The following SLC1A7 variants were observed in gnomAD, a reference collection of about 807,000 sequenced individuals.
SLC1A7 encodes solute carrier family 1 member 7.
Under a neutral mutation model 47.7 loss-of-function variants are expected in SLC1A7, and 40 were observed. That is an observed-to-expected ratio of 0.84 (90% CI 0.65 to 1.09). The LOEUF (loss-of-function observed/expected upper bound fraction) is 1.09, where lower values mean the gene tolerates loss of function less well. Among genes scored for constraint, SLC1A7 ranks in the 50% least tolerant of loss-of-function variants. The pLI, the probability that SLC1A7 is intolerant of heterozygous loss-of-function variation, is 0.00. For synonymous variants in SLC1A7, 323 were observed against 325.6 expected (o/e 0.99, Z 0.09); for missense variants, 746 against 769.5 (o/e 0.97, Z 0.36).
chr1:53,103,367 C>A lies in SLC1A7; in HGVS notation c.676G>T (p.Val226Phe). The stretch of plus-strand genomic sequence containing the variant: ...ATACCCATGGTGGCAGAGAAGAAGA[C>A]GATGCCCAGCACATTCATGCCATCG... The part of the protein sequence containing the change: ...TSDGMNVLGI[V>F]FFSATMGIML... Residue 226 changes from valine to phenylalanine, a missense_variant, in exon 5 of 11, where the codon GTC becomes TTC. Coordinates refer to ENST00000371494, the MANE Select transcript of SLC1A7 (RefSeq NM_006671.6). The A allele has an allele frequency of 6.2e-7, 1 of 1,605,636 alleles. No homozygotes were observed. The highest frequency in any genetic ancestry group is 1.1e-5 in the South Asian group (1 of 89,276).
chr1:53,129,886 C>T (rs1644924103), intron 2 of SLC1A7, among the ~76,000 whole-genome samples: 3 of 94,798 alleles, frequency 3.2e-5, no homozygotes, highest in African/African-American at 1.2e-4. Flanking sequence ...CTCCTGGGAT[C>T]TCAGAAAAAA....
intron 2 of SLC1A7, among the ~76,000 whole-genome samples, chr1:53,119,087 C>G (rs1338151875): frequency 1.3e-5 from 2 of 152,004 alleles, no homozygotes; most frequent in Non-Finnish European, 2.9e-5. Flanking sequence ...GCTTTTGGGT[C>G]TCAGAGGCCT....
chr1:53,108,047 A>C (rs1443476533), intron 3 of SLC1A7: 1 of 154,154 alleles, frequency 6.5e-6, no homozygotes, highest in African/African-American at 2.4e-5. Flanking sequence ...GGGCACCCTC[A>C]CATGGTCCTG....
intron 2 of SLC1A7, 152 bp from the exon 3 acceptor site, chr1:53,115,125 A>T (rs1026872514): frequency 6.2e-6 from 4 of 649,678 alleles, no homozygotes; most frequent in Non-Finnish European, 8.1e-6. Flanking sequence ...TGCTCCTTCC[A>T]GCCTCTCTTT....
chr1:53,103,552 G>C lies in SLC1A7; in HGVS notation c.491C>G (p.Thr164Ser), dbSNP rs1312999214. 1.1e-5 allele frequency: 18 copies of C among 1,600,866 alleles called. No individual in the cohort carries two copies. The highest frequency in any genetic ancestry group is 1.7e-4 in the Middle Eastern group (1 of 5,936). Reference sequence around the variant, plus strand: ...CACCTTGGGGGACTTGACAACTGGGGTGGTCTTGGTGCGGTACTGGTGGGT... The same window carrying C: ...CACCTTGGGGGACTTGACAACTGGGCTGGTCTTGGTGCGGTACTGGTGGGT... ...ATFKQYRTKTTPVVKSPKVAP... is the reference protein window; with the variant it reads ...ATFKQYRTKTSPVVKSPKVAP... The change falls in exon 5 of 11, where the codon ACC (threonine) becomes AGC (serine). Residue 164 changes from threonine (T) to serine (S), a missense_variant. Coordinates refer to ENST00000371494, the MANE Select transcript of SLC1A7 (RefSeq NM_006671.6).
intron 10 of SLC1A7, among the ~76,000 whole-genome samples, 163 bp downstream of exon 10, chr1:53,088,714 T>C (rs975252994): frequency 5.9e-5 from 9 of 152,178 alleles, no homozygotes; most frequent in African/African-American, 1.9e-4. Flanking sequence ...AAATAGATGT[T>C]AGAGGAATCA....
At chr1:53,103,037 G>T in intron 5 of SLC1A7, 1 of 289,764 alleles carries the variant, frequency 3.5e-6, no homozygotes, top group Non-Finnish European at 6.4e-6. Flanking sequence ...GCCTCCAAGG[G>T]GCTTGCATAG....
intron 7 of SLC1A7, among the ~76,000 whole-genome samples, chr1:53,091,400 G>C (rs1415807544): frequency 6.6e-6 from 1 of 152,220 alleles, no homozygotes; most frequent in African/African-American, 2.4e-5. Flanking sequence ...TGGAAGGCCG[G>C]TTCTACTCGC....
intron 1 of SLC1A7, among the ~76,000 whole-genome samples, chr1:53,135,281 TGAACTAGGCAGGGTTCCTG>T (rs759123344): frequency 6.6e-6 from 1 of 152,174 alleles, no homozygotes; most frequent in Non-Finnish European, 1.5e-5. Context: ...TACCCCAACA[TGAACTAGGCAGGGTTCCTG>T]TCCTGAGAAG....
At chr1:53,090,336 G>A in intron 8 of SLC1A7, 1 of 558,776 alleles carries the variant, frequency 1.8e-6, no homozygotes, top group East Asian at 3.1e-5. Context: ...GTCAGCCTCA[G>A]CCGCATCCCA....
At chr1:53,103,724 A>C in intron 4 of SLC1A7, 156 bp from the exon 5 acceptor site, 1 of 553,176 alleles carries the variant, frequency 1.8e-6, no homozygotes, top group East Asian at 3.1e-5. Context: ...AGGGATTGCT[A>C]TCAATATTTT....
In SLC1A7 at chr1:53,134,338, C is replaced by T; in HGVS notation, c.215+12G>A. The T allele has an allele frequency of 6.2e-7, 1 of 1,608,112 alleles. No homozygotes were observed. Among genetic ancestry groups the T allele is most frequent in the Non-Finnish European group, 8.5e-7 (1 of 1,175,758 alleles). On this transcript the variant is annotated intron_variant, in intron 2 of 10. Transcript: ENST00000371494. Reference sequence around the variant, plus strand: ...CTGGTTCCGGACCACCTGGTCAAACCCCCGCTCTCACCTGGAGACCACCAG... The same window carrying T: ...CTGGTTCCGGACCACCTGGTCAAACTCCCGCTCTCACCTGGAGACCACCAG...
intron 5 of SLC1A7, among the ~76,000 whole-genome samples, chr1:53,097,284 A>ACTCACACAACCCACCTCGGTACC (rs1557670159): frequency 2.7e-5 from 4 of 148,948 alleles, no homozygotes; most frequent in Non-Finnish European, 5.9e-5. Flanking sequence ...GCCTTGGTAC[A>ACTCACACAACCCACCTCGGTACC]CTCACACAAC....
intron 9 of SLC1A7, 147 bp downstream of exon 9, chr1:53,089,653 T>C: frequency 1.3e-6 from 1 of 790,264 alleles, no homozygotes; most frequent in Non-Finnish European, 2.1e-6. Flanking sequence ...AGGCCTGTGC[T>C]AATGAGTAGG....
chr1:53,090,047 C>T (rs776681590), intron 8 of SLC1A7, 113 bp from the exon 9 acceptor site: 61 of 1,152,694 alleles, frequency 5.3e-5, no homozygotes, highest in Middle Eastern at 1.9e-4. Flanking sequence ...CCATTTGGTG[C>T]GGGGGGTGGG....
At chr1:53,113,715 A>C in intron 3 of SLC1A7, among the ~76,000 whole-genome samples, 1 of 150,620 alleles carries the variant, frequency 6.6e-6, no homozygotes, top group Non-Finnish European at 1.5e-5. Flanking sequence ...TCTGTATAAA[A>C]CTCATTTTCT....
chr1:53,137,149 T>C (rs1645009205), intron 1 of SLC1A7, among the ~76,000 whole-genome samples: 1 of 151,980 alleles, frequency 6.6e-6, no homozygotes, highest in Admixed American at 6.6e-5. Context: ...TAGCTGGGCA[T>C]GGTGGTGCAT....
At chr1:53,092,506 G>C in intron 7 of SLC1A7, 48 bp downstream of exon 7, 1 of 1,369,060 alleles carries the variant, frequency 7.3e-7, no homozygotes, top group East Asian at 2.4e-5. Flanking sequence ...GACGGACAGG[G>C]CTCAGCCCCT....
At chr1:53,100,577 C>T (rs1194785072) in intron 5 of SLC1A7, among the ~76,000 whole-genome samples, 1 of 151,854 alleles carries the variant, frequency 6.6e-6, no homozygotes, top group East Asian at 1.9e-4. Flanking sequence ...TACACATACA[C>T]ATACCACCTC....
Sources: gnomAD v4.1 joint callset for allele counts (sites outside exome capture counted in the v4.1 genomes callset) on GRCh38, gnomAD v4.1.1 for gene constraint, MANE v1.5 for transcripts, NCBI Gene and HGNC (gene_info 2026-07-23, HGNC 2026-07-21) for gene names.